Variants in NPFFR1 observed in about 807,000 individuals in gnomAD.
NPFFR1 encodes neuropeptide FF receptor 1.
In NPFFR1, 17 loss-of-function variants were observed where a neutral mutation model predicts 12.7. That is an observed-to-expected ratio of 1.34 (90% confidence interval 0.92 to 2.01). The LOEUF (loss-of-function observed/expected upper bound fraction) is 2.01. Ranked by LOEUF, NPFFR1 falls within the 30% of genes most tolerant of loss-of-function variation. The pLI, the probability that NPFFR1 is intolerant of heterozygous loss-of-function variation, is 0.00. For synonymous variants in NPFFR1, 296 were observed against 264.5 expected, an observed-to-expected ratio of 1.12 and a Z score of -1.16; for missense variants, 604 against 606.5, an observed-to-expected ratio of 1.00 and a Z score of 0.04.
intron 1 of NPFFR1, among the ~76,000 whole-genome samples, chr10:70,274,459 A>G (rs145103975): frequency 0.015 from 2,243 of 146,490 alleles, 57 homozygotes; most frequent in African/African-American, 0.046. Context: ...GAAAATAAAA[A>G]AGAGAGAGAG....
At chr10:70,280,194 G>A (rs1840844712) in intron 1 of NPFFR1, among the ~76,000 whole-genome samples, 1 of 152,192 alleles carries the variant, frequency 6.6e-6, no homozygotes, top group African/African-American at 2.4e-5. Context: ...ACACGGTGGT[G>A]CAAACATCTC....
At chr10:70,261,241 A>G (rs1349397907) in intron 2 of NPFFR1, among the ~76,000 whole-genome samples, 1 of 152,014 alleles carries the variant, frequency 6.6e-6, no homozygotes, top group Non-Finnish European at 1.5e-5. Flanking sequence ...ATGGTTTTAT[A>G]TGGGGCTTCT....
At chr10:70,258,066 G>A (rs904447073) in intron 3 of NPFFR1, among the ~76,000 whole-genome samples, 4 of 152,118 alleles carry the variant, frequency 2.6e-5, no homozygotes, top group Non-Finnish European at 4.4e-5. Context: ...CTCAGAGACC[G>A]GTGCCGGCGC....
intron 1 of NPFFR1, among the ~76,000 whole-genome samples, chr10:70,273,873 A>G (rs1303833583): frequency 6.6e-6 from 1 of 152,170 alleles, no homozygotes; most frequent in Non-Finnish European, 1.5e-5. Context: ...TTAGTCATCC[A>G]TGGACCTCCT....
chr10:70,272,710 G>A (rs975840372), intron 1 of NPFFR1, among the ~76,000 whole-genome samples: 3 of 152,208 alleles, frequency 2.0e-5, no homozygotes, highest in Non-Finnish European at 4.4e-5. Flanking sequence ...CTGTAGGGAG[G>A]GGTGCAGGGT....
At chr10:70,264,252 T>TA (rs1215885487) in intron 2 of NPFFR1, among the ~76,000 whole-genome samples, 5 of 150,312 alleles carry the variant, frequency 3.3e-5, no homozygotes, top group Non-Finnish European at 7.4e-5. Flanking sequence ...CAGAAGCCTG[T>TA]AATCCTAGCC....
intron 2 of NPFFR1, among the ~76,000 whole-genome samples, chr10:70,261,492 A>G (rs1840633258): frequency 6.6e-6 from 1 of 152,190 alleles, no homozygotes; most frequent in African/African-American, 2.4e-5. Flanking sequence ...AAACCCTCAT[A>G]TAAATGGACC....
chr10:70,272,210 AG>A (rs66575202), intron 1 of NPFFR1, among the ~76,000 whole-genome samples: 494 of 8,280 alleles, frequency 0.06, 6 homozygotes, highest in African/African-American at 0.11. Flanking sequence ...AAAGAAAGAA[AG>A]GAAAGAAAGA....
chr10:70,257,924 GA>G (rs1335195870), intron 3 of NPFFR1, among the ~76,000 whole-genome samples: 3 of 152,134 alleles, frequency 2.0e-5, no homozygotes, highest in Non-Finnish European at 4.4e-5. Context: ...ACCTTCCCTT[GA>G]ACTTAATTAT....
chr10:70,282,584 T>C (rs1372221533), intron 1 of NPFFR1, among the ~76,000 whole-genome samples: 2 of 152,176 alleles, frequency 1.3e-5, no homozygotes, highest in African/African-American at 4.8e-5. Context: ...CTAATTGGAA[T>C]TTTGGGGTTT....
chr10:70,249,832 T>C lies in NPFFR1; in HGVS notation c.*5125A>G, dbSNP rs1242293725. On this transcript the variant is annotated 3_prime_UTR_variant, in exon 4 of 4. Transcript: ENST00000277942. ...TTTGAAGATACTTTACAATAAAAGATATAAGAATGCAGTAAGCACACAAAA... is the reference window on the plus strand; with the variant it reads ...TTTGAAGATACTTTACAATAAAAGACATAAGAATGCAGTAAGCACACAAAA... 3.9e-5 allele frequency: 6 copies of C among 151,920 alleles called. No individual in the cohort carries two copies. The South Asian group carries it at 6.2e-4, about 16-fold the overall frequency. The allele number at this position is 151,920 out of a possible 1,614,324, so 9.4% of individuals were successfully genotyped here. A position where few individuals can be genotyped will look rare whatever the true frequency, so the allele number is the denominator to read the frequency against.
At chr10:70,259,253 C>T (rs144421780) in intron 3 of NPFFR1, among the ~76,000 whole-genome samples, 64 of 150,898 alleles carry the variant, frequency 4.2e-4, no homozygotes, top group African/African-American at 1.5e-3. Context: ...CATGGCACTC[C>T]AGCCTGGGTG....
At chr10:70,260,812 G>T in intron 2 of NPFFR1, 73 bp from the exon 3 acceptor site, 1 of 1,297,278 alleles carries the variant, frequency 7.7e-7, no homozygotes, top group Non-Finnish European at 1.1e-6. Context: ...AGCCCTCCAA[G>T]CCAGGTCCCC....
intron 3 of NPFFR1, among the ~76,000 whole-genome samples, chr10:70,256,042 G>A (rs1037688124): frequency 6.6e-6 from 1 of 151,208 alleles, no homozygotes; most frequent in African/African-American, 2.4e-5. Flanking sequence ...TGGGAACAAT[G>A]AATCCTGTGT....
In NPFFR1 at chr10:70,269,159, A is replaced by G. The variant is rs115874692; in HGVS notation, c.8-2768T>C. 5.8e-3 allele frequency among the ~76,000 whole-genome samples: 880 copies of G among 152,164 alleles called. 7 individuals are homozygous for G. Among genetic ancestry groups the G allele is most frequent in the African/African-American group, 0.02 (833 of 41,498 alleles). Reference sequence around the variant, plus strand: ...TGTATTACCTGTACTTGGCAGTCAGATCTAGAGTCTTGATCAGATTTTGTC... The same window carrying G: ...TGTATTACCTGTACTTGGCAGTCAGGTCTAGAGTCTTGATCAGATTTTGTC... On this transcript the variant is annotated intron_variant, in intron 1 of 3. Transcript: ENST00000277942.
Position 70,255,773 on chromosome 10 carries a change from G to A in NPFFR1, c.477C>T (p.Leu159=), listed in dbSNP as rs1047954585. The change falls in exon 4 of 4, where the codon CTC becomes CTT. Residue 159 remains leucine, a synonymous_variant. Transcript: ENST00000277942. The surrounding 1 kb of genome is among the most constrained non-coding windows in gnomAD (Gnocchi z 4.2). The part of the protein sequence containing the change: ...FREKLTLRKA[L]VTIAVIWALA... ...GGGCCCAGATGACGGCGATGGTGAC[G>A]AGCGCCTTCCGCAGGGTCAGCTTCT... 6.2e-7 allele frequency: 1 copy of A among 1,611,600 alleles called. No individual in the cohort carries two copies. The highest frequency in any genetic ancestry group is 8.5e-7 in the Non-Finnish European group (1 of 1,179,030).
At chr10:70,269,644 TG>T (rs1840729291) in intron 1 of NPFFR1, among the ~76,000 whole-genome samples, 1 of 152,032 alleles carries the variant, frequency 6.6e-6, no homozygotes, top group African/African-American at 2.4e-5. Context: ...CCTGAGTAGC[TG>T]GGATTACAGG....
chr10:70,274,432 G>C (rs1249265713), intron 1 of NPFFR1, among the ~76,000 whole-genome samples: 1 of 151,590 alleles, frequency 6.6e-6, no homozygotes, highest in Non-Finnish European at 1.5e-5. Flanking sequence ...CTGGGCAACA[G>C]AGCGAGACTC....
intron 1 of NPFFR1, among the ~76,000 whole-genome samples, chr10:70,276,855 G>A (rs567171743): frequency 5.4e-4 from 82 of 152,248 alleles, no homozygotes; most frequent in African/African-American, 1.9e-3. Flanking sequence ...CCAAAGTGCT[G>A]GGATTGTAGA....
Sources: allele counts gnomAD v4.1 joint callset (sites outside exome capture counted in the v4.1 genomes callset), GRCh38; gene constraint gnomAD v4.1.1; non-coding constraint Gnocchi (gnomAD v3.1); transcripts MANE v1.5; gene names NCBI Gene and HGNC (gene_info 2026-07-23, HGNC 2026-07-21).